Variants in BCL11A observed in about 807,000 individuals in gnomAD.
BCL11A encodes B cell CLL/lymphoma 11A.
A neutral mutation model predicts 55.9 loss-of-function variants in BCL11A; 2 were observed. That is an observed-to-expected ratio of 0.04 (90% confidence interval 0.01 to 0.11). The LOEUF is 0.11. Among genes scored for constraint, BCL11A ranks in the 10% least tolerant of loss-of-function variants. BCL11A has a pLI of 1.00. For synonymous variants in BCL11A, 465 were observed against 473.4 expected (o/e 0.98, Z 0.23); for missense variants, 817 against 1,137.1 (o/e 0.72, Z 4.05).
chr2:60,539,555 T>C (rs1476925243), intron 2 of BCL11A, among the ~76,000 whole-genome samples: 1 of 152,202 alleles, frequency 6.6e-6, no homozygotes, highest in Non-Finnish European at 1.5e-5. Context: ...ATGAACCCAA[T>C]ATGGAATAAG....
At chr2:60,495,172 G>A (rs886884588) in intron 2 of BCL11A, among the ~76,000 whole-genome samples, 4 of 152,134 alleles carry the variant, frequency 2.6e-5, no homozygotes, top group African/African-American at 9.7e-5. Flanking sequence ...GGCCCCCCTG[G>A]GCAAACGGCC....
intron 2 of BCL11A, among the ~76,000 whole-genome samples, chr2:60,530,772 A>G (rs1669417158): frequency 6.6e-6 from 1 of 151,076 alleles, no homozygotes; most frequent in Non-Finnish European, 1.5e-5. Flanking sequence ...GCCCTCGGCC[A>G]AGTTCATCTG....
intron 2 of BCL11A, among the ~76,000 whole-genome samples, chr2:60,538,770 TG>T (rs1558505506): frequency 1.4e-4 from 21 of 151,628 alleles, no homozygotes; most frequent in African/African-American, 5.1e-4. Context: ...TGTGTGTGTG[TG>T]TGTGTGTGTG....
rs1676067639 is a variant in BCL11A at position 60,458,711 on chromosome 2, T to C, written c.*1693A>G. On this transcript the variant is annotated 3_prime_UTR_variant, in exon 4 of 4. Coordinates refer to ENST00000642384, the MANE Select transcript of BCL11A (RefSeq NM_022893.4). ...AGTATAGACCTGTAAACTGGGAAAA[T>C]TGTACAGTGCACTTAATTGTCCTAT... is the stretch of plus-strand genomic sequence containing the variant. 1 of 1,032,504 alleles carries C rather than the reference T, an allele frequency of 9.7e-7. No individual in the cohort carries two copies. The highest frequency in any genetic ancestry group is 1.2e-6 in the Non-Finnish European group (1 of 858,168). 64.0% of individuals were successfully genotyped at this position (1,032,504 alleles called of 1,614,324 possible).
intron 2 of BCL11A, among the ~76,000 whole-genome samples, chr2:60,510,987 G>A (rs902314825): frequency 1.3e-5 from 2 of 152,220 alleles, no homozygotes; most frequent in African/African-American, 4.8e-5. Flanking sequence ...TAGAAAGAGG[G>A]GCTGAGAGCC....
At chr2:60,537,870 C>A (rs1416979904) in intron 2 of BCL11A, 3 of 152,184 alleles carry the variant, frequency 2.0e-5, no homozygotes, top group Non-Finnish European at 4.4e-5. Flanking sequence ...CACAATAATT[C>A]CATTCTTTAT....
intron 2 of BCL11A, among the ~76,000 whole-genome samples, chr2:60,520,164 T>C (rs904160042): frequency 2.9e-4 from 44 of 152,136 alleles, no homozygotes; most frequent in African/African-American, 9.9e-4. Context: ...GGTATATTGA[T>C]TAGGTAGGAA....
chr2:60,461,076 C>T lies in BCL11A; in HGVS notation c.1836G>A (p.Ser612=). The change falls in exon 4 of 4, where the codon TCG becomes TCA. Residue 612 remains serine, a synonymous_variant. Coordinates refer to ENST00000642384, the MANE Select transcript of BCL11A (RefSeq NM_022893.4). ...VNGRGCSPGE[S]ASGGLSKKLL... is the part of the protein sequence containing the mutation. ...GCTTTTTGGACAGGCCCCCCGAGGC[C>T]GACTCGCCCGGGGAGCAGCCGCGGC... The T allele has an allele frequency of 6.2e-7, 1 of 1,602,250 alleles. No homozygotes were observed. Among genetic ancestry groups the T allele is most frequent in the African/African-American group, 1.3e-5 (1 of 74,796 alleles).
intron 2 of BCL11A, among the ~76,000 whole-genome samples, chr2:60,506,529 C>T (rs1043006821): frequency 2.0e-5 from 3 of 152,230 alleles, no homozygotes; most frequent in Admixed American, 6.5e-5. Context: ...CCTCAGTGAG[C>T]CGGCCCCAGC....
At chr2:60,464,248 A>G (rs1676478063) in intron 3 of BCL11A, among the ~76,000 whole-genome samples, 1 of 152,258 alleles carries the variant, frequency 6.6e-6, no homozygotes, top group African/African-American at 2.4e-5. Context: ...GGGGGAAAAA[A>G]GGCAGAAAGA....
At chr2:60,452,234 T>C, downstream of BCL11A, 1 of 257,568 alleles carries the variant, frequency 3.9e-6, no homozygotes, top group Middle Eastern at 1.1e-3. Flanking sequence ...AAACAAGGGG[T>C]TGGGGACTCA....
intron 2 of BCL11A, among the ~76,000 whole-genome samples, chr2:60,504,508 G>A (rs1679463799): frequency 6.6e-6 from 1 of 152,066 alleles, no homozygotes; most frequent in African/African-American, 2.4e-5. Flanking sequence ...TTATACCAAT[G>A]TTCTTCTTGA....
intron 2 of BCL11A, chr2:60,535,390 G>C (rs186410633): frequency 6.6e-6 from 1 of 152,124 alleles, no homozygotes; most frequent in Non-Finnish European, 1.5e-5. Flanking sequence ...TGCAAACATC[G>C]TCACGGACTT....
chr2:60,500,345 A>G (rs1679213034), intron 2 of BCL11A, among the ~76,000 whole-genome samples: 1 of 152,110 alleles, frequency 6.6e-6, no homozygotes. Context: ...TTCCCCCATT[A>G]TGCACTGCCT....
Position 60,461,070 on chromosome 2 carries a change from C to T in BCL11A, c.1842G>A (p.Ser614=), listed in dbSNP as rs779536051. 3.1e-5 allele frequency: 50 copies of T among 1,603,534 alleles called. No homozygotes were observed. Among genetic ancestry groups the T allele is most frequent in the Non-Finnish European group, 3.9e-5 (46 of 1,174,200 alleles). Residue 614 remains serine (S), a synonymous_variant, in exon 4 of 4, where the codon TCG becomes TCA. Coordinates refer to ENST00000642384, the MANE Select transcript of BCL11A (RefSeq NM_022893.4). ...GRGCSPGESA[S]GGLSKKLLLG... ...GCAGCAGCTTTTTGGACAGGCCCCC[C>T]GAGGCCGACTCGCCCGGGGAGCAGC...
chr2:60,546,326 A>AT lies in BCL11A; in HGVS notation c.56-27dup. On this transcript the variant is annotated intron_variant, in intron 1 of 3. Coordinates refer to ENST00000642384, the MANE Select transcript of BCL11A (RefSeq NM_022893.4). The surrounding 1 kb of genome is among the most constrained non-coding windows in gnomAD (Gnocchi z 4.1). ...CTGTGGTTGGAGAAACAAAAGCACA[A>AT]TTATTAGAGTGCCAGAGAGGACAGA... The AT allele has an allele frequency of 6.3e-7, 1 of 1,596,046 alleles. No individual in the cohort carries two copies. The highest frequency in any genetic ancestry group is 8.6e-7 in the Non-Finnish European group (1 of 1,166,544).
In BCL11A at chr2:60,460,054, A is replaced by C. The variant is rs1485507841; in HGVS notation, c.*350T>G. 1 of 1,090,410 alleles carries C rather than the reference A, an allele frequency of 9.2e-7. No homozygotes were observed. The allele number at this position is 1,090,410 out of a possible 1,614,324, so 67.5% of individuals were successfully genotyped here. A position where few individuals can be genotyped will look rare whatever the true frequency, so the allele number is the denominator to read the frequency against. ...TACCATACATGCTGTCTAAGTTTAA[A>C]AAAAAACATACACAACATGTAAATT... On this transcript the variant is annotated 3_prime_UTR_variant, in exon 4 of 4. Coordinates refer to ENST00000642384, the MANE Select transcript of BCL11A (RefSeq NM_022893.4).
chr2:60,505,619 T>C (rs1242421005), intron 2 of BCL11A, among the ~76,000 whole-genome samples: 1 of 152,180 alleles, frequency 6.6e-6, no homozygotes, highest in East Asian at 1.9e-4. Context: ...CCTAAGCTGT[T>C]GTTCAGGGCA....
Position 60,459,346 on chromosome 2 carries a change from C to G in BCL11A, c.*1058G>C, listed in dbSNP as rs1268195153. 1 of 1,018,884 alleles carries G rather than the reference C, an allele frequency of 9.8e-7. No individual in the cohort carries two copies. The highest frequency in any genetic ancestry group is 1.7e-5 in the African/African-American group (1 of 58,464). 63.1% of individuals were successfully genotyped at this position (1,018,884 alleles called of 1,614,324 possible). On this transcript the variant is annotated 3_prime_UTR_variant, in exon 4 of 4. Coordinates refer to ENST00000642384, the MANE Select transcript of BCL11A (RefSeq NM_022893.4). Reference sequence around the variant, plus strand: ...CCTTACTAGTGTATTTAATTGCGTTCCAGGGCTTTTGCACATTACACATTC... The same window carrying G: ...CCTTACTAGTGTATTTAATTGCGTTGCAGGGCTTTTGCACATTACACATTC...
Sources: gnomAD v4.1 joint callset for allele counts (sites outside exome capture counted in the v4.1 genomes callset) on GRCh38, gnomAD v4.1.1 for gene constraint, Gnocchi (gnomAD v3.1) non-coding constraint, MANE v1.5 for transcripts, NCBI Gene and HGNC (gene_info 2026-07-23, HGNC 2026-07-21) for gene names.